PCM1: variants seen among roughly 807,000 people sequenced by gnomAD.
PCM1 encodes the protein pericentriolar material 1, also known as pericentriolar material 1 protein.
Under a neutral mutation model 241.9 loss-of-function variants are expected in PCM1, and 157 were observed. That is an observed-to-expected ratio of 0.65 (90% CI 0.57 to 0.74). The LOEUF is 0.74. Among genes scored for constraint, PCM1 ranks in the 30% least tolerant of loss-of-function variants. The pLI is 0.00. For synonymous variants in PCM1, 1,085 were observed against 784.9 expected (o/e 1.38, Z -6.39); for missense variants, 3,478 against 2,360.1 (o/e 1.47, Z -9.81).
intron 29 of PCM1, among the ~76,000 whole-genome samples, chr8:18,005,621 C>G (rs907197243): frequency 2.0e-5 from 3 of 152,120 alleles, no homozygotes; most frequent in African/African-American, 7.2e-5. Flanking sequence ...TATTTTGTAG[C>G]TCACACATGC....
At chr8:18,017,927 G>C (rs1297485122) in intron 36 of PCM1, among the ~76,000 whole-genome samples, 1 of 152,108 alleles carries the variant, frequency 6.6e-6, no homozygotes, top group Non-Finnish European at 1.5e-5. Context: ...GGGATTCTCT[G>C]GTATGTTACT....
At chr8:17,934,510 C>T (rs528910275) in intron 2 of PCM1, among the ~76,000 whole-genome samples, 10 of 152,170 alleles carry the variant, frequency 6.6e-5, no homozygotes, top group Non-Finnish European at 1.2e-4. Flanking sequence ...ATCCGCTTAC[C>T]TCAGCTTCTC....
At chr8:17,976,988 C>A (rs575623887) in intron 23 of PCM1, among the ~76,000 whole-genome samples, 1 of 151,966 alleles carries the variant, frequency 6.6e-6, no homozygotes, top group Non-Finnish European at 1.5e-5. Context: ...TGGGACTCCC[C>A]ACTGAGAATT....
intron 30 of PCM1, 85 bp from the exon 31 acceptor site, chr8:18,009,462 T>TTAAG: frequency 1.2e-6 from 1 of 838,994 alleles, no homozygotes; most frequent in Non-Finnish European, 1.9e-6. Flanking sequence ...AACATTAGTT[T>TTAAG]TAAGTTTTTC....
intron 36 of PCM1, among the ~76,000 whole-genome samples, chr8:18,019,909 A>AAAAAC (rs2093622515): frequency 6.6e-6 from 1 of 152,168 alleles, no homozygotes; most frequent in African/African-American, 2.4e-5. Context: ...CTGAAATAAT[A>AAAAAC]AAAACAATCC....
chr8:17,934,495 A>G (rs561636519), intron 2 of PCM1, among the ~76,000 whole-genome samples: 1 of 152,138 alleles, frequency 6.6e-6, no homozygotes, highest in Non-Finnish European at 1.5e-5. Flanking sequence ...TCCTGACCTC[A>G]AGTGATCCGC....
intron 36 of PCM1, 73 bp downstream of exon 36, chr8:18,014,913 A>C: frequency 7.7e-7 from 1 of 1,305,724 alleles, no homozygotes; most frequent in South Asian, 1.5e-5. Flanking sequence ...TCAGATTAGC[A>C]TTCTCCACAT....
intron 36 of PCM1, chr8:18,024,837 T>C (rs2094050622): frequency 1.3e-5 from 2 of 152,148 alleles, no homozygotes; most frequent in South Asian, 4.1e-4. Flanking sequence ...ACTTGGATAA[T>C]TGGTAGAATT....
intron 29 of PCM1, among the ~76,000 whole-genome samples, chr8:18,002,776 G>A (rs2090050183): frequency 7.8e-6 from 1 of 127,540 alleles, no homozygotes; most frequent in Non-Finnish European, 1.5e-5. Flanking sequence ...TCTAACTGGT[G>A]TGAGATGATA....
chr8:17,941,204 G>A (rs1466573341), intron 6 of PCM1, among the ~76,000 whole-genome samples: 1 of 152,112 alleles, frequency 6.6e-6, no homozygotes, highest in Non-Finnish European at 1.5e-5. Context: ...TCTTCCTTAG[G>A]TTCCAGCAGA....
intron 38 of PCM1, 88 bp from the exon 39 acceptor site, chr8:18,027,549 A>AAAAGT (rs2094325420): frequency 1.1e-6 from 1 of 870,518 alleles, no homozygotes; most frequent in Non-Finnish European, 1.8e-6. Context: ...ACGTTATATT[A>AAAAGT]AAAGTAAAAG....
intron 15 of PCM1, among the ~76,000 whole-genome samples, chr8:17,961,152 G>C (rs934720861): frequency 6.6e-6 from 1 of 152,064 alleles, no homozygotes; most frequent in Non-Finnish European, 1.5e-5. Context: ...AGAGTAAGTT[G>C]TATATACTTT....
chr8:17,946,761 T>C (rs117588775), intron 6 of PCM1, among the ~76,000 whole-genome samples: 2,557 of 152,098 alleles, frequency 0.017, 39 homozygotes, highest in South Asian at 0.042. Flanking sequence ...CCCGAAGTGC[T>C]AGGATTACAA....
chr8:18,000,289 A>C (rs375380679), intron 29 of PCM1, among the ~76,000 whole-genome samples: 1 of 152,202 alleles, frequency 6.6e-6, no homozygotes, highest in Non-Finnish European at 1.5e-5. Flanking sequence ...CTAATTGTAT[A>C]AAATATTACA....
chr8:17,955,719 T>TTA lies in PCM1; in HGVS notation c.1472+66_1472+67insTA, dbSNP rs538740576. ...TAGGGATAAATTCTGTTTTTTTTTT[T>TTA]ATGTTGAAAATTCTGCAAAACGAGA... On this transcript the variant is annotated intron_variant, in intron 10 of 38. Transcript: ENST00000325083. The TTA allele has an allele frequency of 3.3e-3, 4,177 of 1,251,452 alleles. 87 individuals carry two copies. In the African/African-American group the frequency reaches 0.055, roughly 16 times the overall value. 77.5% of individuals were successfully genotyped at this position (1,251,452 alleles called of 1,614,324 possible).
chr8:17,939,720 T>G lies in PCM1; in HGVS notation c.642T>G (p.Asp214Glu). 1 of 1,543,702 alleles carries G rather than the reference T, an allele frequency of 6.5e-7. No homozygotes were observed. Among genetic ancestry groups the G allele is most frequent in the Non-Finnish European group, 8.7e-7 (1 of 1,143,608 alleles). ...QIVSRLVQIR[D>E]YITKASSMRE... ...TAAGCAGGCTTGTTCAAATTCGCGATTATATTACTAAAGCTAGTTCCATGC... is the reference window on the plus strand; with the variant it reads ...TAAGCAGGCTTGTTCAAATTCGCGAGTATATTACTAAAGCTAGTTCCATGC... The change falls in exon 6 of 39, where the codon GAT (aspartate) becomes GAG (glutamate). Residue 214 changes from aspartate to glutamate, a missense_variant. Transcript: ENST00000325083.
chr8:17,967,589 T>G (rs2075377141), intron 21 of PCM1, among the ~76,000 whole-genome samples: 1 of 152,220 alleles, frequency 6.6e-6, no homozygotes, highest in African/African-American at 2.4e-5. Flanking sequence ...ATTACAGGCA[T>G]GAGCCACCGT....
intron 4 of PCM1, 64 bp from the exon 5 acceptor site, chr8:17,938,676 G>C: frequency 8.0e-7 from 1 of 1,244,896 alleles, no homozygotes; most frequent in Non-Finnish European, 1.2e-6. Context: ...AGAACATTGG[G>C]GTTAAAACAA....
intron 26 of PCM1, among the ~76,000 whole-genome samples, chr8:17,986,547 C>G (rs575188889): frequency 6.7e-6 from 1 of 149,088 alleles, no homozygotes; most frequent in East Asian, 2.0e-4. Flanking sequence ...TATTCTAATT[C>G]ATGGAGAAAA....
Sources: allele counts gnomAD v4.1 joint callset (sites outside exome capture counted in the v4.1 genomes callset), GRCh38; gene constraint gnomAD v4.1.1; transcripts MANE v1.5; gene names NCBI Gene and HGNC (gene_info 2026-07-23, HGNC 2026-07-21).